The following SLC25A16 variants were observed in gnomAD, a reference collection of about 807,000 sequenced individuals.
SLC25A16 encodes mitochondrial coenzyme A transporter SLC25A16.
SLC25A16 carries 39 observed loss-of-function variants against 41.5 expected under a neutral mutation model. That is an observed-to-expected ratio of 0.94 (90% confidence interval 0.73 to 1.23). The LOEUF (loss-of-function observed/expected upper bound fraction) is 1.23. SLC25A16 is among the 50% of genes most tolerant of loss of function. The pLI, the probability that SLC25A16 is intolerant of heterozygous loss-of-function variation, is 0.00. For missense variants in SLC25A16, 421 were observed against 426.9 expected (o/e 0.99, Z 0.12); for synonymous variants, 146 against 147.8 (o/e 0.99, Z 0.09).
At chr10:68,525,063 C>A (rs569494271) in intron 1 of SLC25A16, among the ~76,000 whole-genome samples, 128 of 151,598 alleles carry the variant, frequency 8.4e-4, no homozygotes, top group Middle Eastern at 3.4e-3. Context: ...ACAACAACAA[C>A]AAAAAAAACT....
intron 6 of SLC25A16, among the ~76,000 whole-genome samples, chr10:68,491,701 C>A (rs2052661048): frequency 2.0e-5 from 3 of 152,158 alleles, no homozygotes; most frequent in East Asian, 3.8e-4. Context: ...CTAGTTGTTA[C>A]CTGACCTCCT....
rs1016071515 is a variant in SLC25A16, at chr10:68,527,441, G to A, written c.-66C>T. On this transcript the variant is annotated 5_prime_UTR_variant, in exon 1 of 9. Coordinates refer to ENST00000609923, the MANE Select transcript of SLC25A16 (RefSeq NM_152707.4). ...CAGAACACCGGACGGGACCATAGCC[G>A]GAACAGGCGGTGACAGGAGGCTGAC... is the stretch of plus-strand genomic sequence containing the variant. 10 of 1,392,420 alleles carry A rather than the reference G, an allele frequency of 7.2e-6. No homozygotes were observed. Among genetic ancestry groups the A allele is most frequent in the African/African-American group, 6.1e-5 (4 of 65,250 alleles). 86.3% of individuals were successfully genotyped at this position (1,392,420 alleles called of 1,614,324 possible).
At chr10:68,501,632 G>C (rs1239159789) in intron 4 of SLC25A16, among the ~76,000 whole-genome samples, 1 of 151,986 alleles carries the variant, frequency 6.6e-6, no homozygotes, top group Non-Finnish European at 1.5e-5. Context: ...CTCAAAATTT[G>C]AATGTTCAAA....
intron 2 of SLC25A16, among the ~76,000 whole-genome samples, chr10:68,514,509 A>G (rs2053125950): frequency 6.6e-6 from 1 of 152,098 alleles, no homozygotes; most frequent in Admixed American, 6.6e-5. Flanking sequence ...AAATAATAAT[A>G]ATTAATGTTT....
chr10:68,500,349 C>G (rs1301254638), intron 4 of SLC25A16, among the ~76,000 whole-genome samples: 1 of 152,074 alleles, frequency 6.6e-6, no homozygotes, highest in African/African-American at 2.4e-5. Context: ...GCTCTGTTGC[C>G]AACGCTGGAG....
chr10:68,502,742 G>C (rs960956996), intron 4 of SLC25A16, among the ~76,000 whole-genome samples: 7 of 117,658 alleles, frequency 5.9e-5, no homozygotes, highest in African/African-American at 2.2e-4. Flanking sequence ...CAAAAAAGGA[G>C]AGGAGAGGAG....
At chr10:68,525,968 G>T (rs887532542) in intron 1 of SLC25A16, among the ~76,000 whole-genome samples, 10 of 151,802 alleles carry the variant, frequency 6.6e-5, no homozygotes, top group Non-Finnish European at 1.3e-4. Context: ...ACTGCGGAAG[G>T]CCGCAGGGAC....
chr10:68,512,638 C>CAAAAAAAAAAA (rs1163431016), intron 2 of SLC25A16, among the ~76,000 whole-genome samples: 9 of 17,142 alleles, frequency 5.3e-4, no homozygotes, highest in African/African-American at 2.3e-3. Flanking sequence ...GACTCCGTCT[C>CAAAAAAAAAAA]AAAAAAAAAA....
intron 4 of SLC25A16, 93 bp from the exon 5 acceptor site, chr10:68,493,663 T>C (rs981697748): frequency 7.0e-6 from 7 of 997,276 alleles, no homozygotes; most frequent in South Asian, 1.5e-5. Context: ...ATTATGGCAA[T>C]GGTGAAAACC....
rs774439895 is a variant in SLC25A16 at position 68,505,787 on chromosome 10, C to A, written c.357+798G>T. On this transcript the variant is annotated intron_variant, in intron 3 of 8. Coordinates refer to ENST00000609923, the MANE Select transcript of SLC25A16 (RefSeq NM_152707.4). ...CGGTGGCTCAAGCCTGTAATCCCAG[C>A]ATTTTGGGAGACGGAGGCGGGTGGA... Among the ~76,000 whole-genome samples, 20 of 152,114 alleles carry A rather than the reference C, an allele frequency of 1.3e-4. 1 individual carries two copies. The highest frequency in any genetic ancestry group is 2.5e-4 in the Non-Finnish European group (17 of 68,016).
chr10:68,506,361 C>G (rs921264693), intron 3 of SLC25A16, among the ~76,000 whole-genome samples: 1 of 151,972 alleles, frequency 6.6e-6, no homozygotes, highest in African/African-American at 2.4e-5. Flanking sequence ...AGGAGAATCG[C>G]TTGAACCCAG....
intron 8 of SLC25A16, among the ~76,000 whole-genome samples, chr10:68,483,826 C>G (rs1034693429): frequency 3.9e-5 from 6 of 152,044 alleles, no homozygotes; most frequent in African/African-American, 1.4e-4. Context: ...CCATGCCCAG[C>G]TAATTTTTGT....
chr10:68,510,095 T>C (rs959221674), intron 2 of SLC25A16, among the ~76,000 whole-genome samples: 1 of 151,716 alleles, frequency 6.6e-6, no homozygotes, highest in African/African-American at 2.4e-5. Flanking sequence ...AATAAATACA[T>C]AAATAAAAGA....
intron 2 of SLC25A16, among the ~76,000 whole-genome samples, chr10:68,508,626 G>A (rs2053001006): frequency 6.6e-6 from 1 of 151,604 alleles, no homozygotes; most frequent in African/African-American, 2.4e-5. Flanking sequence ...GCTGAGGCAG[G>A]AGAATCGCTT....
chr10:68,525,435 G>A (rs544259519), intron 1 of SLC25A16, among the ~76,000 whole-genome samples: 3 of 151,992 alleles, frequency 2.0e-5, no homozygotes, highest in African/African-American at 4.8e-5. Context: ...CCTGCCCAGC[G>A]AATTTTTATT....
At chr10:68,515,751 T>C (rs2053151653) in intron 2 of SLC25A16, among the ~76,000 whole-genome samples, 1 of 152,080 alleles carries the variant, frequency 6.6e-6, no homozygotes, top group South Asian at 2.1e-4. Flanking sequence ...TGAGCCGAGG[T>C]CGCGCCATTG....
chr10:68,499,907 GC>G, intron 4 of SLC25A16: 1 of 580,404 alleles, frequency 1.7e-6, no homozygotes, highest in Non-Finnish European at 3.3e-6. Context: ...GCCAAATCTC[GC>G]CAAGTAGGAA....
At chr10:68,483,810 G>A (rs567912458) in intron 8 of SLC25A16, among the ~76,000 whole-genome samples, 2 of 152,010 alleles carry the variant, frequency 1.3e-5, no homozygotes, top group East Asian at 1.9e-4. Context: ...TTACAGGCAC[G>A]CGCCACCATG....
chr10:68,501,617 T>C (rs2052847119), intron 4 of SLC25A16, among the ~76,000 whole-genome samples: 1 of 151,376 alleles, frequency 6.6e-6, no homozygotes, highest in African/African-American at 2.4e-5. Flanking sequence ...GTTGGGAGAA[T>C]TTGACTCAAA....
Sources: gnomAD v4.1 joint callset for allele counts (sites outside exome capture counted in the v4.1 genomes callset) on GRCh38, gnomAD v4.1.1 for gene constraint, MANE v1.5 for transcripts, NCBI Gene and HGNC (gene_info 2026-07-23, HGNC 2026-07-21) for gene names.